XKR6: variants seen among roughly 807,000 people sequenced by gnomAD.
XKR6 encodes XK-related protein 6.
A neutral mutation model predicts 56.7 loss-of-function variants in XKR6; 22 were observed. The ratio of observed to expected loss-of-function variants is 0.39; its 90% CI spans 0.28 to 0.55. The LOEUF (loss-of-function observed/expected upper bound fraction) is 0.55, where lower values mean the gene tolerates loss of function less well. XKR6 is among the 20% of genes least tolerant of loss of function. The pLI, the probability that XKR6 is intolerant of heterozygous loss-of-function variation, is 0.66. For synonymous variants in XKR6, 524 were observed against 387.8 expected, an observed-to-expected ratio of 1.35 and a Z score of -4.13; for missense variants, 852 against 889.0, an observed-to-expected ratio of 0.96 and a Z score of 0.53.
chr8:10,983,897 C>A (rs893207063), intron 1 of XKR6, among the ~76,000 whole-genome samples: 12 of 152,038 alleles, frequency 7.9e-5, no homozygotes, highest in Non-Finnish European at 1.6e-4. Flanking sequence ...CCTCGTGATT[C>A]GCCTGCCTTG....
At chr8:11,125,103 AG>A (rs1424358728) in intron 1 of XKR6, among the ~76,000 whole-genome samples, 9 of 150,130 alleles carry the variant, frequency 6.0e-5, no homozygotes, top group African/African-American at 2.2e-4. Flanking sequence ...AAAAAAAAAA[AG>A]AAAAAGAAAA....
intron 1 of XKR6, among the ~76,000 whole-genome samples, chr8:11,181,810 A>G (rs1802996135): frequency 6.6e-6 from 1 of 152,186 alleles, no homozygotes; most frequent in East Asian, 1.9e-4. Context: ...TTAACTCAAA[A>G]CAACCCTATG....
intron 1 of XKR6, among the ~76,000 whole-genome samples, chr8:11,033,175 ATGG>A (rs1338145160): frequency 6.6e-6 from 1 of 151,882 alleles, no homozygotes. Context: ...GATGATGGTA[ATGG>A]TGGTGAGGAT....
chr8:11,052,832 C>G (rs564869964), intron 1 of XKR6, among the ~76,000 whole-genome samples: 1 of 152,170 alleles, frequency 6.6e-6, no homozygotes, highest in Non-Finnish European at 1.5e-5. Flanking sequence ...TGCTGCCCGC[C>G]GTCCTCCCAC....
At chr8:11,031,765 C>T (rs1218714011) in intron 1 of XKR6, among the ~76,000 whole-genome samples, 3 of 152,238 alleles carry the variant, frequency 2.0e-5, no homozygotes, top group Admixed American at 1.3e-4. Flanking sequence ...CTAAAATAAA[C>T]GTGACAGTGA....
At chr8:11,146,531 A>C (rs1397850185) in intron 1 of XKR6, among the ~76,000 whole-genome samples, 1 of 151,000 alleles carries the variant, frequency 6.6e-6, no homozygotes, top group Non-Finnish European at 1.5e-5. Flanking sequence ...TGGAAAGCTG[A>C]GTTGGGGGGA....
intron 1 of XKR6, among the ~76,000 whole-genome samples, chr8:10,969,520 T>A (rs148748672): frequency 1.0e-3 from 158 of 152,352 alleles, no homozygotes; most frequent in African/African-American, 3.7e-3. Flanking sequence ...ACGTGTCCTA[T>A]GCAGGCATCC....
Position 10,985,970 on chromosome 8 carries a change from A to G in XKR6, c.765-61140T>C, listed in dbSNP as rs139297056. Among the ~76,000 whole-genome samples, 96 of 152,370 alleles carry G rather than the reference A, an allele frequency of 6.3e-4. No individual in the cohort carries two copies. In the East Asian group the frequency reaches 0.011, roughly 17 times the overall value. Reference sequence around the variant, plus strand: ...ATTCACATGGGAAAATGAACAAGCAAGAATATTTAGAAAATTTCTGAAAAA... The same window carrying G: ...ATTCACATGGGAAAATGAACAAGCAGGAATATTTAGAAAATTTCTGAAAAA... On this transcript the variant is annotated intron_variant, in intron 1 of 2. Coordinates refer to ENST00000416569, the MANE Select transcript of XKR6 (RefSeq NM_173683.4).
At chr8:11,184,366 T>TA (rs1180760873) in intron 1 of XKR6, among the ~76,000 whole-genome samples, 1 of 145,330 alleles carries the variant, frequency 6.9e-6, no homozygotes, top group African/African-American at 2.7e-5. Flanking sequence ...AAATACATAT[T>TA]TTATATATAT....
At chr8:11,187,373 C>T (rs1265156241) in intron 1 of XKR6, among the ~76,000 whole-genome samples, 1 of 152,166 alleles carries the variant, frequency 6.6e-6, no homozygotes, top group Non-Finnish European at 1.5e-5. Context: ...CCCAATGCAA[C>T]TGAAACTTGA....
intron 1 of XKR6, among the ~76,000 whole-genome samples, chr8:10,990,356 T>G (rs1321422900): frequency 6.6e-6 from 1 of 152,060 alleles, no homozygotes; most frequent in Non-Finnish European, 1.5e-5. Context: ...CCTGCTCTGG[T>G]CCCAAAGGGA....
At chr8:11,099,800 G>A (rs1798399357) in intron 1 of XKR6, among the ~76,000 whole-genome samples, 1 of 152,202 alleles carries the variant, frequency 6.6e-6, no homozygotes, top group South Asian at 2.1e-4. Context: ...GTGAGGTCAT[G>A]ATGGAGGTGA....
chr8:11,190,204 A>AAAAGAAAGAAAGAAAGAAAGAAAG (rs34031400), intron 1 of XKR6, among the ~76,000 whole-genome samples: 24 of 120,980 alleles, frequency 2.0e-4, no homozygotes, highest in Admixed American at 1.0e-3. Flanking sequence ...AGAAAGAAAG[A>AAAAGAAAGAAAGAAAGAAAGAAAG]AAAGAAAGAA....
chr8:11,140,633 C>G (rs928495399), intron 1 of XKR6, among the ~76,000 whole-genome samples: 2 of 152,096 alleles, frequency 1.3e-5, no homozygotes, highest in African/African-American at 2.4e-5. Flanking sequence ...CATGGTGGCT[C>G]ACACCTGTAA....
intron 1 of XKR6, among the ~76,000 whole-genome samples, chr8:11,036,632 T>TC (rs1264026950): frequency 3.3e-5 from 5 of 152,252 alleles, no homozygotes; most frequent in African/African-American, 1.2e-4. Flanking sequence ...CATGCTAAGA[T>TC]CTGAACAACA....
chr8:11,075,747 C>A (rs774876138), intron 1 of XKR6, among the ~76,000 whole-genome samples: 1 of 152,110 alleles, frequency 6.6e-6, no homozygotes, highest in Non-Finnish European at 1.5e-5. Context: ...GTGGTGAGCA[C>A]CTGTAGTCCC....
At chr8:11,113,955 C>T (rs1799032626) in intron 1 of XKR6, 6 of 324,282 alleles carry the variant, frequency 1.9e-5, no homozygotes, top group South Asian at 1.2e-4. Context: ...ATGAAGGCCT[C>T]CCTCTCGCTG....
chr8:11,168,952 T>C (rs1337985028), intron 1 of XKR6, among the ~76,000 whole-genome samples: 1 of 152,224 alleles, frequency 6.6e-6, no homozygotes, highest in Non-Finnish European at 1.5e-5. Context: ...TTTGCTTTCC[T>C]TTTTTGGACA....
intron 1 of XKR6, among the ~76,000 whole-genome samples, chr8:10,973,731 C>T (rs1802472716): frequency 6.6e-6 from 1 of 152,182 alleles, no homozygotes; most frequent in African/African-American, 2.4e-5. Flanking sequence ...CAGGCGCATG[C>T]CACCAGGCCC....
Sources: gnomAD v4.1 joint callset for allele counts (sites outside exome capture counted in the v4.1 genomes callset) on GRCh38, gnomAD v4.1.1 for gene constraint, MANE v1.5 for transcripts, NCBI Gene and HGNC (gene_info 2026-07-23, HGNC 2026-07-21) for gene names.